The following CACNB4 variants were observed in gnomAD, a reference collection of about 807,000 sequenced individuals.
CACNB4 encodes calcium voltage-gated channel auxiliary subunit beta 4.
A neutral mutation model predicts 71.2 loss-of-function variants in CACNB4; 32 were observed. The observed-to-expected ratio is 0.45, with a 90% confidence interval of 0.34 to 0.60. The LOEUF is 0.60. Ranked by LOEUF, CACNB4 falls within the 20% of genes least tolerant of loss-of-function variation. The pLI is 0.01. For missense variants in CACNB4, 464 were observed against 647.9 expected, an observed-to-expected ratio of 0.72 and a Z score of 3.08; for synonymous variants, 231 against 236.9, an observed-to-expected ratio of 0.97 and a Z score of 0.23.
intron 3 of CACNB4, among the ~76,000 whole-genome samples, chr2:151,881,421 A>G (rs1559924831): frequency 6.6e-6 from 1 of 152,338 alleles, no homozygotes; most frequent in East Asian, 1.9e-4. Flanking sequence ...AAGAAGGGTT[A>G]GTCAGCGTCA....
chr2:152,081,904 T>C (rs527431995), intron 2 of CACNB4, among the ~76,000 whole-genome samples: 5 of 152,356 alleles, frequency 3.3e-5, no homozygotes, highest in African/African-American at 1.2e-4. Flanking sequence ...AAGTCAGTAT[T>C]AAAAGTCCCT....
At chr2:151,846,215 T>A (rs2099837530) in intron 12 of CACNB4, among the ~76,000 whole-genome samples, 1 of 152,214 alleles carries the variant, frequency 6.6e-6, no homozygotes. Context: ...CTATCACTGC[T>A]AAACCTTGAA....
In CACNB4 at chr2:151,971,809, CT is replaced by C. The variant is rs1232832837; in HGVS notation, c.148-88440del. ...GTGACACGGTTTCAATCCCGCCCAC[CT>C]GAAAGCCTCCCATACTCTCAACTGA... On this transcript the variant is annotated intron_variant, in intron 2 of 13. Transcript: ENST00000539935. 3 of 562,908 alleles carry C rather than the reference CT, an allele frequency of 5.3e-6. No individual in the cohort carries two copies. The African/African-American group carries it at 5.7e-5, about 11-fold the overall frequency. The allele number at this position is 562,908 out of a possible 1,614,324, so 34.9% of individuals were successfully genotyped here. A position where few individuals can be genotyped will look rare whatever the true frequency, so the allele number is the denominator to read the frequency against.
intron 2 of CACNB4, among the ~76,000 whole-genome samples, chr2:152,037,001 T>C (rs1029151122): frequency 6.6e-6 from 1 of 152,226 alleles, no homozygotes; most frequent in Non-Finnish European, 1.5e-5. Flanking sequence ...AGAACTCTTA[T>C]TTGGGTGTTT....
intron 3 of CACNB4, among the ~76,000 whole-genome samples, chr2:151,882,126 G>A (rs989948947): frequency 2.6e-4 from 25 of 96,924 alleles, no homozygotes; most frequent in Non-Finnish European, 5.4e-4. Context: ...TGATCTGCCC[G>A]CCTCGGCCTC....
intron 3 of CACNB4, among the ~76,000 whole-genome samples, chr2:151,881,546 C>CG (rs1468211587): frequency 1.3e-5 from 2 of 152,216 alleles, no homozygotes; most frequent in Non-Finnish European, 2.9e-5. Context: ...TGGCACAGCA[C>CG]TGTGGGGACA....
intron 2 of CACNB4, among the ~76,000 whole-genome samples, chr2:151,937,360 C>A (rs2099863168): frequency 6.6e-6 from 1 of 152,112 alleles, no homozygotes; most frequent in Non-Finnish European, 1.5e-5. Flanking sequence ...TATGAAAATG[C>A]AAAGAACTCT....
intron 2 of CACNB4, among the ~76,000 whole-genome samples, chr2:151,961,076 C>T (rs1169521842): frequency 6.6e-6 from 1 of 152,116 alleles, no homozygotes; most frequent in Non-Finnish European, 1.5e-5. Context: ...CTTAGCATTC[C>T]CACCCCTGCC....
At chr2:152,085,448 G>T (rs1364020554) in intron 2 of CACNB4, among the ~76,000 whole-genome samples, 1 of 152,138 alleles carries the variant, frequency 6.6e-6, no homozygotes, top group Non-Finnish European at 1.5e-5. Flanking sequence ...TCTTGGAACT[G>T]TCTGAACTTC....
intron 4 of CACNB4, among the ~76,000 whole-genome samples, chr2:151,877,918 A>G (rs978412523): frequency 6.6e-6 from 1 of 152,218 alleles, no homozygotes; most frequent in African/African-American, 2.4e-5. Flanking sequence ...CATTTGCTGA[A>G]TTATACAGCA....
intron 2 of CACNB4, among the ~76,000 whole-genome samples, chr2:152,096,125 A>C (rs1688254965): frequency 6.6e-6 from 1 of 152,178 alleles, no homozygotes; most frequent in African/African-American, 2.4e-5. Flanking sequence ...CCAATACAGA[A>C]GTCTGTATGA....
At chr2:151,871,016 T>C in intron 6 of CACNB4, 155 bp from the exon 7 acceptor site, 1 of 621,960 alleles carries the variant, frequency 1.6e-6, no homozygotes, top group Non-Finnish European at 2.9e-6. Context: ...TATGATTTCA[T>C]TCTGGACACG....
chr2:151,853,415 A>G (rs2099839539), intron 12 of CACNB4, 33 bp downstream of exon 12: 3 of 1,353,540 alleles, frequency 2.2e-6, no homozygotes, highest in Admixed American at 2.2e-5. Context: ...TAACTAGTCA[A>G]GAATGATGAA....
chr2:151,968,505 T>C (rs2099871722), intron 2 of CACNB4: 1 of 152,198 alleles, frequency 6.6e-6, no homozygotes, highest in Admixed American at 6.5e-5. Flanking sequence ...TTGTCCTCCT[T>C]AAGTGGCCTT....
chr2:151,990,409 C>T (rs1391170802), intron 2 of CACNB4, among the ~76,000 whole-genome samples: 4 of 152,190 alleles, frequency 2.6e-5, no homozygotes, highest in Admixed American at 6.5e-5. Context: ...CTACCAAAAG[C>T]ACAACCCTCT....
At chr2:152,057,506 A>G (rs1228741859) in intron 2 of CACNB4, among the ~76,000 whole-genome samples, 3 of 152,344 alleles carry the variant, frequency 2.0e-5, no homozygotes, top group Middle Eastern at 3.4e-3. Context: ...TTCATGGGCT[A>G]GGGAGACAGG....
intron 2 of CACNB4, among the ~76,000 whole-genome samples, chr2:152,094,076 G>A (rs1386729222): frequency 2.0e-5 from 3 of 152,316 alleles, no homozygotes; most frequent in South Asian, 2.1e-4. Flanking sequence ...GAACTCATAC[G>A]GATGGGGAGA....
At chr2:152,095,512 T>C (rs1688217880) in intron 2 of CACNB4, among the ~76,000 whole-genome samples, 2 of 152,140 alleles carry the variant, frequency 1.3e-5, no homozygotes, top group Non-Finnish European at 2.9e-5. Context: ...TAGCAATATA[T>C]ATATTTTTTG....
At chr2:151,884,634 C>CAAAAA (rs35506114) in intron 2 of CACNB4, among the ~76,000 whole-genome samples, 2 of 61,508 alleles carry the variant, frequency 3.3e-5, no homozygotes, top group African/African-American at 6.3e-5. Context: ...GACTCCGTCT[C>CAAAAA]AAAAAAAAAA....
Sources: allele counts gnomAD v4.1 joint callset (sites outside exome capture counted in the v4.1 genomes callset), GRCh38; gene constraint gnomAD v4.1.1; transcripts MANE v1.5; gene names NCBI Gene and HGNC (gene_info 2026-07-23, HGNC 2026-07-21).